CADM1: variants seen among roughly 807,000 people sequenced by gnomAD.
The protein encoded by CADM1 is TSLC-1.
A neutral mutation model predicts 53.1 loss-of-function variants in CADM1; 15 were observed. The observed-to-expected ratio is 0.28, with a 90% CI of 0.19 to 0.44. The LOEUF (loss-of-function observed/expected upper bound fraction) is 0.44, where lower values mean the gene tolerates loss of function less well. Ranked by LOEUF, CADM1 falls within the 20% of genes least tolerant of loss-of-function variation. The pLI, the probability that CADM1 is intolerant of heterozygous loss-of-function variation, is 1.00. For missense variants in CADM1, 434 were observed against 611.3 expected (o/e 0.71, Z 3.06); for synonymous variants, 281 against 243.0 (o/e 1.16, Z -1.45).
intron 1 of CADM1, among the ~76,000 whole-genome samples, chr11:115,297,557 A>T (rs931708057): frequency 1.3e-5 from 2 of 152,214 alleles, no homozygotes; most frequent in African/African-American, 4.8e-5. Flanking sequence ...CCACAGATAA[A>T]ATCATACATG....
At chr11:115,301,840 C>A (rs1944230402) in intron 1 of CADM1, among the ~76,000 whole-genome samples, 1 of 152,094 alleles carries the variant, frequency 6.6e-6, no homozygotes, top group Non-Finnish European at 1.5e-5. Flanking sequence ...AATAGCAATG[C>A]ACTCAAAATG....
intron 3 of CADM1, among the ~76,000 whole-genome samples, chr11:115,234,824 C>G (rs559949165): frequency 1.6e-5 from 2 of 127,996 alleles, no homozygotes; most frequent in African/African-American, 6.0e-5. Context: ...ACTCAGGAGG[C>G]GGAGGTTGAA....
At chr11:115,409,203 T>C (rs1947393089) in intron 1 of CADM1, among the ~76,000 whole-genome samples, 1 of 152,116 alleles carries the variant, frequency 6.6e-6, no homozygotes, top group Admixed American at 6.5e-5. Context: ...AAGAATATAA[T>C]AAAGCACAAC....
At chr11:115,443,653 A>G (rs1405084965) in intron 1 of CADM1, among the ~76,000 whole-genome samples, 1 of 152,256 alleles carries the variant, frequency 6.6e-6, no homozygotes, top group Non-Finnish European at 1.5e-5. Context: ...ATAATTTTTA[A>G]TTACAAATAG....
At chr11:115,469,669 C>CTT (rs554156174) in intron 1 of CADM1, among the ~76,000 whole-genome samples, 6,737 of 100,386 alleles carry the variant, frequency 0.067, 1,274 homozygotes, top group Middle Eastern at 0.12. Flanking sequence ...AACTTCTGGG[C>CTT]TTTTTTTTTT....
intron 1 of CADM1, among the ~76,000 whole-genome samples, chr11:115,304,983 C>T (rs1944326054): frequency 6.6e-6 from 1 of 151,930 alleles, no homozygotes; most frequent in Admixed American, 6.6e-5. Context: ...TAAATTATGA[C>T]TACTCCTCTT....
chr11:115,334,772 G>A (rs758199817), intron 1 of CADM1, among the ~76,000 whole-genome samples: 13 of 152,026 alleles, frequency 8.6e-5, no homozygotes, highest in Non-Finnish European at 1.5e-4. Flanking sequence ...ATACACATTC[G>A]AGTAGTCTAT....
At chr11:115,443,034 A>G (rs1311875702) in intron 1 of CADM1, among the ~76,000 whole-genome samples, 1 of 152,238 alleles carries the variant, frequency 6.6e-6, no homozygotes, top group East Asian at 1.9e-4. Context: ...TCTGAAGAAA[A>G]TGTTGCCTTA....
At chr11:115,227,003 T>A (rs1941634883) in intron 5 of CADM1, among the ~76,000 whole-genome samples, 1 of 152,190 alleles carries the variant, frequency 6.6e-6, no homozygotes, top group Admixed American at 6.5e-5. Context: ...TATAATGCAT[T>A]GTAATTATCT....
intron 1 of CADM1, among the ~76,000 whole-genome samples, chr11:115,427,793 G>A (rs1395425739): frequency 1.3e-5 from 2 of 151,910 alleles, no homozygotes; most frequent in Non-Finnish European, 2.9e-5. Flanking sequence ...TGGATCACAA[G>A]GTCAGGAAAT....
chr11:115,298,115 G>A (rs1208045532), intron 1 of CADM1, among the ~76,000 whole-genome samples: 1 of 152,154 alleles, frequency 6.6e-6, no homozygotes, highest in Admixed American at 6.5e-5. Flanking sequence ...AATAATTGTT[G>A]CCGTGAATAA....
intron 1 of CADM1, among the ~76,000 whole-genome samples, chr11:115,321,342 G>C (rs1944820978): frequency 6.6e-6 from 1 of 152,028 alleles, no homozygotes; most frequent in South Asian, 2.1e-4. Context: ...TATGCTAGTG[G>C]TAAGTGCACA....
intron 1 of CADM1, among the ~76,000 whole-genome samples, chr11:115,414,167 A>G (rs1357167773): frequency 6.6e-6 from 1 of 152,148 alleles, no homozygotes; most frequent in Non-Finnish European, 1.5e-5. Context: ...TTGTTACATC[A>G]ATTATATTTA....
chr11:115,339,039 TC>T (rs1945350046), intron 1 of CADM1, among the ~76,000 whole-genome samples: 1 of 75,700 alleles, frequency 1.3e-5, no homozygotes, highest in South Asian at 6.0e-4. Context: ...ATGCTATCCC[TC>T]CCCCCTCCCC....
intron 1 of CADM1, chr11:115,256,720 G>C: frequency 2.3e-6 from 1 of 443,744 alleles, no homozygotes. Context: ...CCATTGCCAT[G>C]TTCTAGTTCC....
At chr11:115,394,572 C>G (rs1188353004) in intron 1 of CADM1, among the ~76,000 whole-genome samples, 1 of 152,126 alleles carries the variant, frequency 6.6e-6, no homozygotes, top group Admixed American at 6.5e-5. Flanking sequence ...TCTTCTCTAG[C>G]GTTACATATT....
chr11:115,439,966 G>A (rs1295204757), intron 1 of CADM1, among the ~76,000 whole-genome samples: 2 of 152,132 alleles, frequency 1.3e-5, no homozygotes, highest in African/African-American at 2.4e-5. Context: ...CATAAATTCA[G>A]CTCTACAAGT....
At chr11:115,398,443 T>C (rs7114341) in intron 1 of CADM1, among the ~76,000 whole-genome samples, 50,047 of 152,020 alleles carry the variant, frequency 0.33, 9,363 homozygotes, top group Non-Finnish European at 0.43. Flanking sequence ...CCCCCTGACT[T>C]TTCTGACTTG....
chr11:115,209,807 C>T (rs1940869049), intron 7 of CADM1, 150 bp from the exon 8 acceptor site: 1 of 917,332 alleles, frequency 1.1e-6, no homozygotes, highest in Admixed American at 2.3e-5. Context: ...AGATTTATGT[C>T]TTGTAATTAT....
Sources: allele counts gnomAD v4.1 joint callset (sites outside exome capture counted in the v4.1 genomes callset), GRCh38; gene constraint gnomAD v4.1.1; transcripts MANE v1.5; gene names NCBI Gene and HGNC (gene_info 2026-07-23, HGNC 2026-07-21).